LRGUK: variants seen among roughly 807,000 people sequenced by gnomAD.
The protein encoded by LRGUK is leucine-rich repeat and guanylate kinase domain-containing protein.
A neutral mutation model predicts 76.0 loss-of-function variants in LRGUK; 65 were observed. That is an observed-to-expected ratio of 0.85 (90% CI 0.70 to 1.05). The LOEUF (loss-of-function observed/expected upper bound fraction) is 1.05, where lower values mean the gene tolerates loss of function less well. LRGUK is among the 50% of genes least tolerant of loss of function. LRGUK has a pLI of 0.00. For missense variants in LRGUK, 758 were observed against 732.8 expected (o/e 1.03, Z -0.40); for synonymous variants, 268 against 265.6 (o/e 1.01, Z -0.09).
rs190980497 is a variant in LRGUK, at chr7:134,208,791, A to G, written c.1928A>G (p.Asp643Gly). ...AGGTGCTTGGCGAAACTGCAAGCAGATGGCCAGATGACAGAGCATCTCTCT... is the reference window on the plus strand; with the variant it reads ...AGGTGCTTGGCGAAACTGCAAGCAGGTGGCCAGATGACAGAGCATCTCTCT... Residue 643 changes from aspartate to glycine, a missense_variant, in exon 16 of 16, where the codon GAT (aspartate) becomes GGT (glycine). Asp to Gly is a moderately conservative substitution (Grantham distance 94). Transcript: ENST00000645682. 8.3e-5 allele frequency: 33 copies of G among 399,064 alleles called. No homozygotes were observed. The Admixed American group carries it at 1.0e-3, about 12-fold the overall frequency. 24.7% of individuals were successfully genotyped at this position (399,064 alleles called of 1,614,324 possible).
chr7:134,240,268 A>C (rs914096902), intron 16 of LRGUK, among the ~76,000 whole-genome samples: 4 of 152,222 alleles, frequency 2.6e-5, no homozygotes, highest in Admixed American at 2.6e-4. Context: ...CTAAAGGAGG[A>C]TGCTGGAACC....
intron 5 of LRGUK, among the ~76,000 whole-genome samples, chr7:134,150,816 AG>A (rs1002642925): frequency 6.6e-6 from 1 of 152,158 alleles, no homozygotes; most frequent in Non-Finnish European, 1.5e-5. Context: ...TAATGAAAAA[AG>A]GAATTAGGGT....
chr7:134,153,872 A>G (rs1267006008), intron 5 of LRGUK, among the ~76,000 whole-genome samples: 1 of 152,174 alleles, frequency 6.6e-6, no homozygotes, highest in Non-Finnish European at 1.5e-5. Context: ...ACTGTGGTGG[A>G]TTTCCTACTA....
intron 15 of LRGUK, among the ~76,000 whole-genome samples, chr7:134,204,435 C>G (rs1800917790): frequency 6.6e-6 from 1 of 152,188 alleles, no homozygotes; most frequent in East Asian, 1.9e-4. Flanking sequence ...CATTTTATAA[C>G]TGAAACTGAG....
intron 4 of LRGUK, among the ~76,000 whole-genome samples, 158 bp from the exon 5 acceptor site, chr7:134,148,080 A>G (rs931438269): frequency 6.9e-6 from 1 of 145,866 alleles, no homozygotes; most frequent in African/African-American, 2.5e-5. Context: ...AAAAAAAAAA[A>G]GATTAAAGAC....
intron 12 of LRGUK, among the ~76,000 whole-genome samples, chr7:134,192,864 C>A (rs1385255691): frequency 6.6e-6 from 1 of 152,136 alleles, no homozygotes; most frequent in Non-Finnish European, 1.5e-5. Flanking sequence ...TGTGTTTCTG[C>A]TTTTGAAAGA....
At position 134,127,542 on chromosome 7, in the gene LRGUK, T is replaced by TCCTA. The variant is rs1415560733; in HGVS notation, c.179_182dup (p.Leu62ProfsTer18). The TCCTA allele has an allele frequency of 1.1e-5, 18 of 1,614,002 alleles. No individual in the cohort carries two copies. Among genetic ancestry groups the TCCTA allele is most frequent in the African/African-American group, 2.7e-5 (2 of 74,884 alleles). On this transcript the variant is annotated frameshift_variant, in exon 1 of 16. Coordinates refer to ENST00000645682, the Ensembl canonical transcript of LRGUK. LOFTEE classifies it high-confidence loss of function. ...GAAAGGCAGCTCTAACATAGCCTCC[T>TCCTA]CCTACCTGCTCCAGCAGCTCATGCA...
chr7:134,163,464 C>T (rs1248624732), exon 7 of LRGUK: 1 of 1,613,740 alleles, frequency 6.2e-7, no homozygotes, highest in East Asian at 2.2e-5. Flanking sequence ...CTGGATCTGT[C>T]CCACAATCAG....
chr7:134,255,446 A>G (rs964287636), intron 18 of LRGUK, among the ~76,000 whole-genome samples: 3 of 152,360 alleles, frequency 2.0e-5, no homozygotes, highest in East Asian at 3.9e-4. Flanking sequence ...GCTACAGTCT[A>G]CAAGACTTAG....
chr7:134,182,994 A>G (rs1488133335), intron 10 of LRGUK, among the ~76,000 whole-genome samples: 2 of 152,192 alleles, frequency 1.3e-5, no homozygotes, highest in Non-Finnish European at 2.9e-5. Context: ...TCCTCACCTC[A>G]GGTGATCTGC....
chr7:134,144,688 AAC>A (rs1585429574), intron 4 of LRGUK, among the ~76,000 whole-genome samples: 1 of 152,190 alleles, frequency 6.6e-6, no homozygotes, highest in African/African-American at 2.4e-5. Flanking sequence ...GAAATCAAGA[AAC>A]AGACATTCCC....
At chr7:134,229,409 TC>T (rs1801841172) in intron 16 of LRGUK, among the ~76,000 whole-genome samples, 1 of 151,824 alleles carries the variant, frequency 6.6e-6, no homozygotes, top group Non-Finnish European at 1.5e-5. Context: ...TATCTATCTA[TC>T]TATCTATGTT....
chr7:134,145,378 G>C (rs916212068), intron 4 of LRGUK, among the ~76,000 whole-genome samples: 2 of 152,064 alleles, frequency 1.3e-5, no homozygotes, highest in Non-Finnish European at 2.9e-5. Context: ...CTCCCGAGTA[G>C]CTGGGATTAT....
intron 16 of LRGUK, among the ~76,000 whole-genome samples, chr7:134,234,087 C>T (rs1801962709): frequency 6.6e-6 from 1 of 152,154 alleles, no homozygotes. Flanking sequence ...ATATTGGACA[C>T]CCCTGCTCTA....
In LRGUK at chr7:134,221,901, G is replaced by A. The variant is rs774972094; in HGVS notation, c.1966G>A (p.Ala656Thr). The stretch of plus-strand genomic sequence containing the variant: ...CATTAAATTTTGGGCCAAACTTTCA[G>A]CCAAAAAAACACCAGCGGTAAGAGA... The change falls in exon 16 of 20, where the codon GCC becomes ACC. Residue 656 changes from alanine (A) to threonine (T), a missense_variant. Transcript: ENST00000285928. 7.5e-6 allele frequency: 12 copies of A among 1,591,096 alleles called. No homozygotes were observed. The highest frequency in any genetic ancestry group is 1.0e-5 in the Non-Finnish European group (12 of 1,171,236).
chr7:134,199,043 G>C (rs893317923), intron 13 of LRGUK, among the ~76,000 whole-genome samples, 177 bp from the exon 14 acceptor site: 1 of 152,146 alleles, frequency 6.6e-6, no homozygotes, highest in Non-Finnish European at 1.5e-5. Context: ...GATGAAGAGA[G>C]AAATGTAATC....
intron 7 of LRGUK, among the ~76,000 whole-genome samples, chr7:134,168,223 G>T (rs1452431587): frequency 6.6e-6 from 1 of 151,994 alleles, no homozygotes; most frequent in Non-Finnish European, 1.5e-5. Flanking sequence ...AAAAAAACTG[G>T]GCATGGTGAC....
intron 14 of LRGUK, among the ~76,000 whole-genome samples, chr7:134,201,239 C>A (rs931900562): frequency 2.6e-5 from 4 of 152,214 alleles, no homozygotes; most frequent in African/African-American, 9.6e-5. Context: ...GCAAAAATCC[C>A]TTTTGCTGAA....
At chr7:134,188,491 A>T (rs1439400618) in intron 11 of LRGUK, among the ~76,000 whole-genome samples, 2 of 152,172 alleles carry the variant, frequency 1.3e-5, no homozygotes, top group African/African-American at 4.8e-5. Flanking sequence ...AGACAAGCAG[A>T]CCAGGTAGAA....
Sources: allele counts gnomAD v4.1 joint callset (sites outside exome capture counted in the v4.1 genomes callset), GRCh38; gene constraint gnomAD v4.1.1; transcripts MANE v1.5; gene names NCBI Gene and HGNC (gene_info 2026-07-23, HGNC 2026-07-21).